The following ZC3H7A variants were observed in gnomAD, a reference collection of about 807,000 sequenced individuals.
ZC3H7A encodes the protein zinc finger CCCH domain-containing protein 7A.
A neutral mutation model predicts 125.5 loss-of-function variants in ZC3H7A; 44 were observed. That is an observed-to-expected ratio of 0.35 (90% CI 0.28 to 0.45). The LOEUF (loss-of-function observed/expected upper bound fraction) is 0.45, where lower values mean the gene tolerates loss of function less well. Ranked by LOEUF, ZC3H7A falls within the 20% of genes least tolerant of loss-of-function variation. The pLI, the probability that ZC3H7A is intolerant of heterozygous loss-of-function variation, is 1.00. For missense variants in ZC3H7A, 977 were observed against 1,170.7 expected, an observed-to-expected ratio of 0.83 and a Z score of 2.41; for synonymous variants, 399 against 391.2, an observed-to-expected ratio of 1.02 and a Z score of -0.23.
chr16:11,765,342 T>G lies in ZC3H7A; in HGVS notation c.1719+147A>C. 3.2e-6 allele frequency: 2 copies of G among 623,598 alleles called. No homozygotes were observed. The highest frequency in any genetic ancestry group is 5.0e-6 in the Non-Finnish European group (2 of 401,262). The allele number at this position is 623,598 out of a possible 1,614,324, so 38.6% of individuals were successfully genotyped here. On this transcript the variant is annotated intron_variant, in intron 14 of 22. Transcript: ENST00000355758. This position sits in a 1 kb window ranked among gnomAD's most constrained non-coding sequence, Gnocchi z 4.8. ...ATCACATGGGAGGACCAGAGGAATATTTTATTCATAAATATGATATTATTT... is the reference window on the plus strand; with the variant it reads ...ATCACATGGGAGGACCAGAGGAATAGTTTATTCATAAATATGATATTATTT...
intron 15 of ZC3H7A, 138 bp from the exon 16 acceptor site, chr16:11,763,797 A>T (rs1274921565): frequency 8.6e-6 from 2 of 232,786 alleles, no homozygotes; most frequent in East Asian, 1.3e-4. Context: ...TACATTTAAA[A>T]TTTTTTTTTC....
chr16:11,765,277 TG>T lies in ZC3H7A; in HGVS notation c.1720-125del. The T allele has an allele frequency of 1.4e-6, 1 of 727,638 alleles. No individual in the cohort carries two copies. The highest frequency in any genetic ancestry group is 2.1e-6 in the Non-Finnish European group (1 of 484,080). The allele number at this position is 727,638 out of a possible 1,614,324, so 45.1% of individuals were successfully genotyped here. A position where few individuals can be genotyped will look rare whatever the true frequency, so the allele number is the denominator to read the frequency against. ...CAATATGAAGTTTTAATATTCTTTT[TG>T]GTAACAGTAATAGCCAACATTTACT... On this transcript the variant is annotated intron_variant, in intron 14 of 22. Coordinates refer to ENST00000355758, the MANE Select transcript of ZC3H7A (RefSeq NM_014153.4). The surrounding 1 kb of genome is among the most constrained non-coding windows in gnomAD (Gnocchi z 4.8).
At chr16:11,754,050 G>A (rs2052594363) in intron 21 of ZC3H7A, 2 of 151,980 alleles carry the variant, frequency 1.3e-5, no homozygotes, top group Non-Finnish European at 2.9e-5. Context: ...CAGCACTTTG[G>A]GAGGCCGAGG....
intron 15 of ZC3H7A, chr16:11,764,818 G>A (rs1447305402): frequency 8.7e-6 from 3 of 343,144 alleles, no homozygotes; most frequent in African/African-American, 4.3e-5. Context: ...CTAAATCCAT[G>A]TCATGAGAAA....
In ZC3H7A at chr16:11,751,114, CATCT is replaced by C; in HGVS notation, c.*199_*202del. On this transcript the variant is annotated 3_prime_UTR_variant, in exon 23 of 23. Transcript: ENST00000355758. ...GGCAACCGGGTAGCAGTCACTTCAC[CATCT>C]GATGCCAGTGGTTCCGTGAGAGCGT... 2 of 500,040 alleles carry C rather than the reference CATCT, an allele frequency of 4.0e-6. No homozygotes were observed. The highest frequency in any genetic ancestry group is 7.0e-6 in the Non-Finnish European group (2 of 286,004). The allele number at this position is 500,040 out of a possible 1,614,324, so 31.0% of individuals were successfully genotyped here. A position where few individuals can be genotyped will look rare whatever the true frequency, so the allele number is the denominator to read the frequency against.
chr16:11,757,211 A>C (rs371172975), intron 20 of ZC3H7A, among the ~76,000 whole-genome samples: 126 of 152,178 alleles, frequency 8.3e-4, no homozygotes, highest in African/African-American at 2.9e-3. Context: ...CCAGCCGGGC[A>C]CGGTGGCTCA....
chr16:11,790,619 A>G (rs1429419518), intron 1 of ZC3H7A, among the ~76,000 whole-genome samples: 1 of 152,014 alleles, frequency 6.6e-6, no homozygotes, highest in East Asian at 1.9e-4. Flanking sequence ...GGCTCATTGC[A>G]ACCTCCGCCT....
At chr16:11,758,720 A>C in intron 19 of ZC3H7A, 181 bp from the exon 20 acceptor site, 1 of 553,796 alleles carries the variant, frequency 1.8e-6, no homozygotes, top group Non-Finnish European at 3.1e-6. Flanking sequence ...AAATGATATT[A>C]AGGTTTCTAT....
At position 11,765,559 on chromosome 16, in the gene ZC3H7A, T is replaced by C. The variant is rs754377751; in HGVS notation, c.1649A>G (p.Asn550Ser). Reference sequence around the variant, plus strand: ...GAACACAGTAAGGTTAATCTTTCCATTGCCGCCAAAGAAAGCCTCCCGGCT... The same window carrying C: ...GAACACAGTAAGGTTAATCTTTCCACTGCCGCCAAAGAAAGCCTCCCGGCT... ...AFSREAFFGG[N>S]GKINLTVFKL... is the part of the protein sequence containing the mutation. The change falls in exon 14 of 23, where the codon AAT becomes AGT. Residue 550 changes from asparagine to serine, a missense_variant. This residue lies in a region of ZC3H7A where 436 missense variants were observed against 603.2 expected (regional missense o/e 0.72). Coordinates refer to ENST00000355758, the MANE Select transcript of ZC3H7A (RefSeq NM_014153.4). The surrounding 1 kb of genome is among the most constrained non-coding windows in gnomAD (Gnocchi z 4.8). The C allele has an allele frequency of 3.0e-5, 48 of 1,614,094 alleles. No homozygotes were observed. Among genetic ancestry groups the C allele is most frequent in the Non-Finnish European group, 3.9e-5 (46 of 1,180,026 alleles).
chr16:11,757,058 T>G (rs984041278), intron 20 of ZC3H7A, among the ~76,000 whole-genome samples: 2 of 152,298 alleles, frequency 1.3e-5, no homozygotes, highest in South Asian at 2.1e-4. Flanking sequence ...GCTGGGGGTA[T>G]GCCCTGTGCA....
intron 13 of ZC3H7A, among the ~76,000 whole-genome samples, chr16:11,766,827 G>T (rs1469063778): frequency 6.6e-6 from 1 of 152,198 alleles, no homozygotes; most frequent in Non-Finnish European, 1.5e-5. Flanking sequence ...AGGTTGCAGT[G>T]AGCCGAGATT....
At chr16:11,757,894 C>G (rs1204924135) in intron 20 of ZC3H7A, among the ~76,000 whole-genome samples, 2 of 152,146 alleles carry the variant, frequency 1.3e-5, no homozygotes, top group Non-Finnish European at 2.9e-5. Flanking sequence ...GAATAATGAT[C>G]CTTGTAGTAA....
intron 21 of ZC3H7A, chr16:11,753,292 AG>A (rs1345202759): frequency 6.4e-6 from 1 of 157,140 alleles, no homozygotes; most frequent in Non-Finnish European, 1.4e-5. Context: ...CCTATACAAA[AG>A]GAAGTGTTAT....
chr16:11,777,586 G>A (rs187834043), intron 4 of ZC3H7A, among the ~76,000 whole-genome samples: 1 of 152,176 alleles, frequency 6.6e-6, no homozygotes, highest in East Asian at 1.9e-4. Context: ...GCCAGGCGTG[G>A]TGGCGGGTGC....
chr16:11,761,215 A>T (rs774233828), intron 19 of ZC3H7A, among the ~76,000 whole-genome samples, 191 bp downstream of exon 19: 1 of 152,208 alleles, frequency 6.6e-6, no homozygotes. Flanking sequence ...ATAAAATTCC[A>T]ATCAATATGA....
intron 9 of ZC3H7A, among the ~76,000 whole-genome samples, chr16:11,773,098 C>A (rs2053015562): frequency 1.3e-5 from 2 of 151,980 alleles, no homozygotes; most frequent in Admixed American, 1.3e-4. Flanking sequence ...AAAGCAGCCA[C>A]AGACAGCACA....
intron 19 of ZC3H7A, among the ~76,000 whole-genome samples, chr16:11,760,885 A>AT (rs1187543753): frequency 6.6e-6 from 1 of 152,186 alleles, no homozygotes. Flanking sequence ...TTAGCCTAGT[A>AT]TTTTCTAGTT....
intron 17 of ZC3H7A, 124 bp downstream of exon 17, chr16:11,762,547 C>G (rs1296249610): frequency 3.4e-6 from 3 of 875,124 alleles, no homozygotes; most frequent in Non-Finnish European, 1.8e-6. Context: ...AAGAATGACT[C>G]ACCTGAATGA....
chr16:11,770,973 G>A lies in ZC3H7A; in HGVS notation c.918C>T (p.Val306=). The change falls in exon 10 of 23, where the codon GTC becomes GTT. Residue 306 remains valine (V), a synonymous_variant. Transcript: ENST00000355758. ...CACTGGCTGTCTGAAGGGGTCCTCT[G>A]ACTAAAGCTGACGGCTGCGGAAGAA... ...TNETVMPSAL[V]RGPLQTASVS... is the part of the protein sequence containing the mutation. 1 of 1,602,798 alleles carries A rather than the reference G, an allele frequency of 6.2e-7. No individual in the cohort carries two copies. The highest frequency in any genetic ancestry group is 1.3e-5 in the African/African-American group (1 of 74,546).
Sources: allele counts gnomAD v4.1 joint callset (sites outside exome capture counted in the v4.1 genomes callset), GRCh38; gene constraint gnomAD v4.1.1; regional missense constraint gnomAD v4.1.1; non-coding constraint Gnocchi (gnomAD v3.1); transcripts MANE v1.5; gene names NCBI Gene and HGNC (gene_info 2026-07-23, HGNC 2026-07-21).